SULT1C3: variants seen among roughly 807,000 people sequenced by gnomAD.
SULT1C3 encodes sulfotransferase family 1C member 3.
A neutral mutation model predicts 28.4 loss-of-function variants in SULT1C3; 31 were observed. That is an observed-to-expected ratio of 1.09 (90% confidence interval 0.82 to 1.47). The LOEUF (loss-of-function observed/expected upper bound fraction) is 1.47. Among genes scored for constraint, SULT1C3 ranks in the 40% most tolerant of loss-of-function variants. The pLI, the probability that SULT1C3 is intolerant of heterozygous loss-of-function variation, is 0.00. For synonymous variants in SULT1C3, 106 were observed against 92.2 expected (o/e 1.15, Z -0.86); for missense variants, 307 against 272.5 (o/e 1.13, Z -0.89).
At chr2:108,250,600 C>A (rs1573218402) in intron 2 of SULT1C3, among the ~76,000 whole-genome samples, 1 of 151,966 alleles carries the variant, frequency 6.6e-6, no homozygotes, top group Non-Finnish European at 1.5e-5. Context: ...AACTTGTACA[C>A]AACACTATAG....
chr2:108,260,589 A>T lies in SULT1C3; in HGVS notation c.824A>T (p.Asn275Ile), dbSNP rs756060019. The change falls in exon 8 of 8, where the codon AAC (asparagine) becomes ATC (isoleucine). Residue 275 changes from asparagine to isoleucine, a missense_variant. Asn to Ile is a moderately radical substitution (Grantham distance 149). Transcript: ENST00000681802. ...ACAGGGATGCCTGGAGACTGGAAGAACCACTTTACTGTGGCTTTGAATGAG... is the reference window on the plus strand; with the variant it reads ...ACAGGGATGCCTGGAGACTGGAAGATCCACTTTACTGTGGCTTTGAATGAG... ...MRKGMPGDWK[N>I]HFTVALNENF... is the part of the protein sequence containing the mutation. 3.9e-6 allele frequency: 2 copies of T among 514,648 alleles called. No individual in the cohort carries two copies. Among genetic ancestry groups the T allele is most frequent in the Non-Finnish European group, 7.7e-6 (2 of 258,096 alleles). 31.9% of individuals were successfully genotyped at this position (514,648 alleles called of 1,614,324 possible). A position where few individuals can be genotyped will look rare whatever the true frequency, so the allele number is the denominator to read the frequency against.
chr2:108,253,666 C>T (rs951065394), intron 4 of SULT1C3, among the ~76,000 whole-genome samples: 1 of 151,972 alleles, frequency 6.6e-6, no homozygotes, highest in Non-Finnish European at 1.5e-5. Flanking sequence ...ATGAAAAATT[C>T]TTGGTAAGAT....
intron 7 of SULT1C3, 105 bp from the exon 8 acceptor site, chr2:108,260,463 T>C: frequency 2.8e-6 from 1 of 354,424 alleles, no homozygotes; most frequent in Non-Finnish European, 5.7e-6. Flanking sequence ...TGAGGGACCC[T>C]CACTCATGGG....
chr2:108,253,578 TA>T lies in SULT1C3; in HGVS notation c.399+140del, dbSNP rs1233366708. 1.2e-4 allele frequency: 50 copies of T among 414,580 alleles called. 2 individuals carry two copies. The highest frequency in any genetic ancestry group is 1.0e-3 in the African/African-American group (49 of 48,764). 25.7% of individuals were successfully genotyped at this position (414,580 alleles called of 1,614,324 possible). Reference sequence around the variant, plus strand: ...TGCTATTTTTCTTAGATGAAGCACTTAAAATCAAGGATTACATAAATTTGAA... The same window carrying T: ...TGCTATTTTTCTTAGATGAAGCACTTAAATCAAGGATTACATAAATTTGAA... On this transcript the variant is annotated intron_variant, in intron 4 of 7. Coordinates refer to ENST00000681802, the MANE Select transcript of SULT1C3 (RefSeq NM_001320878.2).
At chr2:108,259,567 A>G (rs181448231) in intron 7 of SULT1C3, among the ~76,000 whole-genome samples, 22 of 152,212 alleles carry the variant, frequency 1.4e-4, no homozygotes, top group Admixed American at 5.9e-4. Context: ...GTAGTTCAAA[A>G]CCCTAGCTAA....
At chr2:108,265,145 C>A, downstream of SULT1C3, 1 of 1,432,350 alleles carries the variant, frequency 7.0e-7, no homozygotes, top group Non-Finnish European at 9.5e-7. Context: ...AGGCAAGTTG[C>A]CTGTTTCTCC....
intron 4 of SULT1C3, 29 bp downstream of exon 4, chr2:108,253,471 C>A: frequency 8.1e-7 from 1 of 1,238,532 alleles, no homozygotes; most frequent in Non-Finnish European, 1.1e-6. Context: ...TCAAACTTCT[C>A]TTAGCTTGGT....
rs772749550 is a variant in SULT1C3, at chr2:108,247,191, C to G, written c.-4C>G. On this transcript the variant is annotated 5_prime_UTR_variant, in exon 2 of 8. Coordinates refer to ENST00000681802, the MANE Select transcript of SULT1C3 (RefSeq NM_001320878.2). The stretch of plus-strand genomic sequence containing the variant: ...GTATTGATCTTACCCATCCCAGATT[C>G]CCAATGGCGAAGATTGAGAAAAACG... The G allele has an allele frequency of 2.0e-6, 3 of 1,510,096 alleles. No individual in the cohort carries two copies. Among genetic ancestry groups the G allele is most frequent in the East Asian group, 2.4e-5 (1 of 42,428 alleles). The allele number at this position is 1,510,096 out of a possible 1,614,324, so 93.5% of individuals were successfully genotyped here.
intron 1 of SULT1C3, among the ~76,000 whole-genome samples, chr2:108,245,462 G>A (rs889922538): frequency 7.9e-5 from 12 of 152,198 alleles, no homozygotes; most frequent in African/African-American, 2.9e-4. Flanking sequence ...TCCAGACTTA[G>A]AATCCCTTTA....
downstream of SULT1C3, chr2:108,264,708 T>G: frequency 2.8e-6 from 3 of 1,057,340 alleles, no homozygotes; most frequent in Non-Finnish European, 4.1e-6. Context: ...AGAAATATTT[T>G]TAAAATGTGT....
At chr2:108,262,936 C>A, downstream of SULT1C3, among the ~76,000 whole-genome samples, 1 of 152,154 alleles carries the variant, frequency 6.6e-6, no homozygotes, top group East Asian at 1.9e-4. Context: ...TTTTTCAGAG[C>A]TTATCTACCT....
In SULT1C3 at chr2:108,252,496, G is replaced by A. The variant is rs1338212738; in HGVS notation, c.301+3G>A. 1.2e-6 allele frequency: 2 copies of A among 1,611,760 alleles called. No individual in the cohort carries two copies. Among genetic ancestry groups the A allele is most frequent in the South Asian group, 2.2e-5 (2 of 90,910 alleles). ...ATTTCCCCATAAAGAAAAACCAGGT[G>A]AGTAATATGCACGAAGATAGAAAGG... On this transcript the variant is annotated splice_donor_region_variant and intron_variant, in intron 3 of 7. Transcript: ENST00000681802.
At chr2:108,257,892 G>A (rs1675916719) in intron 5 of SULT1C3, among the ~76,000 whole-genome samples, 1 of 151,990 alleles carries the variant, frequency 6.6e-6, no homozygotes, top group South Asian at 2.1e-4. Context: ...GAACCTGGCT[G>A]ACACAGATAC....
intron 2 of SULT1C3, among the ~76,000 whole-genome samples, chr2:108,248,382 G>A (rs1675640121): frequency 6.6e-6 from 1 of 152,164 alleles, no homozygotes; most frequent in African/African-American, 2.4e-5. Flanking sequence ...TTGGATGACA[G>A]TTGTCTCAAT....
chr2:108,260,222 T>C (rs540716470), intron 7 of SULT1C3, among the ~76,000 whole-genome samples: 1 of 152,206 alleles, frequency 6.6e-6, no homozygotes, highest in South Asian at 2.1e-4. Flanking sequence ...GAGAATAAGA[T>C]AGGCTGTCCC....
At chr2:108,252,257 A>T in intron 2 of SULT1C3, 108 bp from the exon 3 acceptor site, 1 of 1,065,214 alleles carries the variant, frequency 9.4e-7, no homozygotes, top group Admixed American at 2.8e-5. Context: ...GGCAACATTG[A>T]TCTAATTTTA....
intron 2 of SULT1C3, among the ~76,000 whole-genome samples, chr2:108,250,744 A>G (rs1014869298): frequency 2.0e-5 from 3 of 152,118 alleles, no homozygotes; most frequent in African/African-American, 7.2e-5. Context: ...CTACAGATAT[A>G]TACAAGAACA....
chr2:108,250,259 C>A (rs1231652139), intron 2 of SULT1C3, among the ~76,000 whole-genome samples: 1 of 151,498 alleles, frequency 6.6e-6, no homozygotes, highest in East Asian at 1.9e-4. Context: ...TTAAAGTGGG[C>A]AAAAGATGTA....
chr2:108,265,337 C>A (rs757153810), downstream of SULT1C3: 6 of 1,613,390 alleles, frequency 3.7e-6, no homozygotes, highest in Middle Eastern at 1.7e-4. Context: ...CCTAACCTTC[C>A]GCACAGAGAT....
Sources: allele counts gnomAD v4.1 joint callset (sites outside exome capture counted in the v4.1 genomes callset), GRCh38; gene constraint gnomAD v4.1.1; transcripts MANE v1.5; gene names NCBI Gene and HGNC (gene_info 2026-07-23, HGNC 2026-07-21).